Variants in KCTD16 observed in about 807,000 individuals in gnomAD.
KCTD16 encodes the protein BTB/POZ domain-containing protein KCTD16.
In KCTD16, 13 loss-of-function variants were observed where a neutral mutation model predicts 33.2. The observed-to-expected ratio is 0.39, with a 90% CI of 0.25 to 0.62. The LOEUF is 0.62. Among genes scored for constraint, KCTD16 ranks in the 20% least tolerant of loss-of-function variants. The pLI, the probability that KCTD16 is intolerant of heterozygous loss-of-function variation, is 0.50. For missense variants in KCTD16, 441 were observed against 525.1 expected, an observed-to-expected ratio of 0.84 and a Z score of 1.57; for synonymous variants, 197 against 195.3, an observed-to-expected ratio of 1.01 and a Z score of -0.07.
chr5:144,388,155 C>T (rs1027274181), intron 3 of KCTD16, among the ~76,000 whole-genome samples: 60 of 137,726 alleles, frequency 4.4e-4, no homozygotes, highest in Middle Eastern at 4.5e-3. Context: ...TATCGGCTCA[C>T]TGCAAGCTCC....
At position 144,206,383 on chromosome 5, in the gene KCTD16, C is replaced by T; in HGVS notation, c.-326-6C>T. 4.4e-6 allele frequency: 1 copy of T among 225,716 alleles called. No individual in the cohort carries two copies. The highest frequency in any genetic ancestry group is 5.4e-5 in the Admixed American group (1 of 18,546). The allele number at this position is 225,716 out of a possible 1,614,324, so 14.0% of individuals were successfully genotyped here. A position where few individuals can be genotyped will look rare whatever the true frequency, so the allele number is the denominator to read the frequency against. ...TGAGGAAATAATTTTTTCTCTTTTC[C>T]TTCAGACGGACATCTGAGTAACTGG... On this transcript the variant is annotated splice_region_variant and splice_polypyrimidine_tract_variant and intron_variant, in intron 2 of 3. Coordinates refer to ENST00000512467, the MANE Select transcript of KCTD16 (RefSeq NM_020768.4).
At chr5:144,248,141 G>T in intron 3 of KCTD16, among the ~76,000 whole-genome samples, 1 of 152,146 alleles carries the variant, frequency 6.6e-6, no homozygotes, top group Non-Finnish European at 1.5e-5. Flanking sequence ...TATACAGTAC[G>T]GGAGAAGGAA....
chr5:144,183,045 TAAAA>T (rs199836614), intron 2 of KCTD16, among the ~76,000 whole-genome samples: 4 of 138,528 alleles, frequency 2.9e-5, no homozygotes, highest in African/African-American at 1.1e-4. Flanking sequence ...TAATGAAACA[TAAAA>T]AAAAAAAATA....
At chr5:144,267,957 A>T (rs1406509285) in intron 3 of KCTD16, among the ~76,000 whole-genome samples, 1 of 152,192 alleles carries the variant, frequency 6.6e-6, no homozygotes, top group African/African-American at 2.4e-5. Context: ...AGTAGTAAGC[A>T]CCAGGACTCC....
chr5:144,211,076 A>C (rs1415655566), intron 3 of KCTD16, among the ~76,000 whole-genome samples: 1 of 152,072 alleles, frequency 6.6e-6, no homozygotes, highest in Non-Finnish European at 1.5e-5. Flanking sequence ...AGTTGCTTCC[A>C]CAGAAGTCTC....
In KCTD16 at chr5:144,336,701, G is replaced by A. The variant is rs1034824023; in HGVS notation, c.832+129155G>A. ...GATTTCTGGATGAAAAAGACAAATT[G>A]TTCTACCAGAGTTCCAAGAAAGAAA... On this transcript the variant is annotated intron_variant, in intron 3 of 3. Coordinates refer to ENST00000512467, the MANE Select transcript of KCTD16 (RefSeq NM_020768.4). 2.6e-5 allele frequency among the ~76,000 whole-genome samples: 4 copies of A among 152,052 alleles called. No homozygotes were observed. The East Asian group carries it at 7.7e-4, about 29-fold the overall frequency.
In KCTD16 at chr5:144,479,032, C is replaced by T. The variant is rs1175071682; in HGVS notation, c.*4918C>T. On this transcript the variant is annotated 3_prime_UTR_variant, in exon 4 of 4. Coordinates refer to ENST00000512467, the MANE Select transcript of KCTD16 (RefSeq NM_020768.4). ...TGAGATGTATTCTAATGATACCCAA[C>T]AAGAAATAAAAATAATGATCTTTCC... is the stretch of plus-strand genomic sequence containing the variant. 4 of 151,808 alleles carry T rather than the reference C, an allele frequency of 2.6e-5. No homozygotes were observed. Among genetic ancestry groups the T allele is most frequent in the Non-Finnish European group, 4.4e-5 (3 of 67,894 alleles). 9.4% of individuals were successfully genotyped at this position (151,808 alleles called of 1,614,324 possible).
At chr5:144,271,168 T>C (rs1418259221) in intron 3 of KCTD16, among the ~76,000 whole-genome samples, 6 of 152,032 alleles carry the variant, frequency 3.9e-5, no homozygotes, top group African/African-American at 1.4e-4. Flanking sequence ...ACTAATTCTA[T>C]GAGGCCAGTA....
chr5:144,409,597 G>A (rs938181645), intron 3 of KCTD16, among the ~76,000 whole-genome samples: 6 of 152,112 alleles, frequency 3.9e-5, no homozygotes, highest in Middle Eastern at 3.4e-3. Context: ...TGTGGCTCAC[G>A]CCTGTAATCC....
intron 3 of KCTD16, among the ~76,000 whole-genome samples, chr5:144,225,832 A>G (rs530195588): frequency 2.8e-4 from 43 of 152,226 alleles, no homozygotes; most frequent in Admixed American, 7.2e-4. Context: ...ATTTGGGGAG[A>G]GTTATTTGGG....
chr5:144,360,619 A>G (rs1031376479), intron 3 of KCTD16, among the ~76,000 whole-genome samples: 2 of 151,970 alleles, frequency 1.3e-5, no homozygotes, highest in African/African-American at 4.8e-5. Flanking sequence ...TTTAGTAGAG[A>G]TGGGCTTTCA....
chr5:144,303,505 G>T (rs1751502852), intron 3 of KCTD16, among the ~76,000 whole-genome samples: 2 of 152,208 alleles, frequency 1.3e-5, no homozygotes. Context: ...CAATGGAAAT[G>T]ACCAAAGGTT....
intron 3 of KCTD16, among the ~76,000 whole-genome samples, chr5:144,221,881 C>T (rs1753768650): frequency 2.0e-5 from 3 of 152,214 alleles, no homozygotes; most frequent in Admixed American, 2.0e-4. Flanking sequence ...ACACTCCCAT[C>T]AACAGTGTAA....
chr5:144,405,527 T>C (rs1752792149), intron 3 of KCTD16, among the ~76,000 whole-genome samples: 1 of 152,190 alleles, frequency 6.6e-6, no homozygotes, highest in Non-Finnish European at 1.5e-5. Flanking sequence ...TAAACCTTTA[T>C]TGTGCTTGAA....
chr5:144,467,621 C>A (rs752431712), intron 3 of KCTD16, among the ~76,000 whole-genome samples: 2 of 152,082 alleles, frequency 1.3e-5, no homozygotes, highest in African/African-American at 4.8e-5. Flanking sequence ...TAGAAAGATG[C>A]GTGGCTGGCA....
At position 144,263,722 on chromosome 5, in the gene KCTD16, T is replaced by C. The variant is rs539492692; in HGVS notation, c.832+56176T>C. Among the ~76,000 whole-genome samples the C allele has an allele frequency of 3.9e-5, 6 of 152,392 alleles. No homozygotes were observed. In the South Asian group the frequency reaches 1.2e-3, roughly 32 times the overall value. Reference sequence around the variant, plus strand: ...AGTAGTTCAGACCAATTATTCCATCTGTTTTAGTCAGCCCATGCTGCTTTA... The same window carrying C: ...AGTAGTTCAGACCAATTATTCCATCCGTTTTAGTCAGCCCATGCTGCTTTA... On this transcript the variant is annotated intron_variant, in intron 3 of 3. Transcript: ENST00000512467.
intron 3 of KCTD16, among the ~76,000 whole-genome samples, chr5:144,294,531 T>A (rs936067494): frequency 1.3e-5 from 2 of 152,184 alleles, no homozygotes; most frequent in Admixed American, 6.5e-5. Flanking sequence ...TCTGTACTTG[T>A]TATATTAGCA....
At chr5:144,398,475 G>A (rs1362025833) in intron 3 of KCTD16, among the ~76,000 whole-genome samples, 1 of 152,116 alleles carries the variant, frequency 6.6e-6, no homozygotes, top group Non-Finnish European at 1.5e-5. Flanking sequence ...TTAGAGTACA[G>A]GCAGATTGTT....
chr5:144,361,125 A>G lies in KCTD16; in HGVS notation c.833-112535A>G, dbSNP rs1233082376. Among the ~76,000 whole-genome samples, 4 of 143,802 alleles carry G rather than the reference A, an allele frequency of 2.8e-5. No individual in the cohort carries two copies. In the Admixed American group the frequency reaches 2.9e-4, roughly 10 times the overall value. 94.3% of individuals were successfully genotyped at this position (143,802 alleles called of 152,430 possible). Reference sequence around the variant, plus strand: ...TGTGTCCATGTGTTCTCATTGTTCAATTCCCACCTATGAGTGAGAATCTGC... The same window carrying G: ...TGTGTCCATGTGTTCTCATTGTTCAGTTCCCACCTATGAGTGAGAATCTGC... On this transcript the variant is annotated intron_variant, in intron 3 of 3. Transcript: ENST00000512467.
Sources: gnomAD v4.1 joint callset for allele counts (sites outside exome capture counted in the v4.1 genomes callset) on GRCh38, gnomAD v4.1.1 for gene constraint, MANE v1.5 for transcripts, NCBI Gene and HGNC (gene_info 2026-07-23, HGNC 2026-07-21) for gene names.